Variants in NSMAF observed in about 807,000 individuals in gnomAD.
The protein encoded by NSMAF is neutral sphingomyelinase activation associated factor.
Under a neutral mutation model 134.9 loss-of-function variants are expected in NSMAF, and 90 were observed. That is an observed-to-expected ratio of 0.67 (90% confidence interval 0.56 to 0.79). NSMAF has a LOEUF of 0.79. Ranked by LOEUF, NSMAF falls within the 30% of genes least tolerant of loss-of-function variation. The pLI is 0.00. For synonymous variants in NSMAF, 358 were observed against 389.6 expected (o/e 0.92, Z 0.96); for missense variants, 1,010 against 1,119.0 (o/e 0.90, Z 1.39).
intron 1 of NSMAF, among the ~76,000 whole-genome samples, chr8:58,645,155 G>A (rs974975379): frequency 5.3e-5 from 8 of 151,630 alleles, no homozygotes; most frequent in African/African-American, 1.7e-4. Context: ...GGTACCAAGA[G>A]GACAGGGTTT....
At position 58,602,092 on chromosome 8, in the gene NSMAF, C is replaced by T; in HGVS notation, c.1091G>A (p.Gly364Glu). 6.2e-7 allele frequency: 1 copy of T among 1,613,566 alleles called. No individual in the cohort carries two copies. Among genetic ancestry groups the T allele is most frequent in the Non-Finnish European group, 8.5e-7 (1 of 1,179,644 alleles). ...GTFRDLSKPV[G>E]ALNKERLERL... is the part of the protein sequence containing the mutation. ...CTCCAGCCGTTCCTTATTTAGGGCC[C>T]CTACTGGCTTACTGAGATCCCGGAA... Residue 364 changes from glycine to glutamate, a missense_variant, in exon 14 of 31, where the codon GGG becomes GAG. Coordinates refer to ENST00000038176, the MANE Select transcript of NSMAF (RefSeq NM_003580.4).
In NSMAF at chr8:58,625,802, G is replaced by T. The variant is rs185485447; in HGVS notation, c.385-2022C>A. On this transcript the variant is annotated intron_variant, in intron 6 of 30. Coordinates refer to ENST00000038176, the MANE Select transcript of NSMAF (RefSeq NM_003580.4). Reference sequence around the variant, plus strand: ...AATTATTGATAGGGAAGGACTTACTGTTGCCATTTTAACTGTTTTCTGTCT... The same window carrying T: ...AATTATTGATAGGGAAGGACTTACTTTTGCCATTTTAACTGTTTTCTGTCT... Among the ~76,000 whole-genome samples, 562 of 152,232 alleles carry T rather than the reference G, an allele frequency of 3.7e-3. 2 individuals are homozygous for T. The highest frequency in any genetic ancestry group is 0.014 in the Middle Eastern group (4 of 294).
At chr8:58,585,448 A>G (rs1370563364) in intron 30 of NSMAF, among the ~76,000 whole-genome samples, 2 of 152,044 alleles carry the variant, frequency 1.3e-5, no homozygotes, top group Admixed American at 6.6e-5. Flanking sequence ...TTGGAGTCCA[A>G]TGGCTGTTAA....
chr8:58,597,356 T>G, intron 21 of NSMAF, 31 bp downstream of exon 21: 1 of 1,583,948 alleles, frequency 6.3e-7, no homozygotes, highest in South Asian at 1.1e-5. Flanking sequence ...AAACAAAAGG[T>G]GCTCACGTTT....
intron 23 of NSMAF, among the ~76,000 whole-genome samples, chr8:58,593,380 A>G (rs565556515): frequency 6.6e-6 from 1 of 152,356 alleles, no homozygotes; most frequent in East Asian, 1.9e-4. Flanking sequence ...ACAGAATCTG[A>G]GAGTAGTAAT....
chr8:58,647,407 C>T (rs1480060669), intron 1 of NSMAF, among the ~76,000 whole-genome samples: 2 of 152,168 alleles, frequency 1.3e-5, no homozygotes, highest in East Asian at 3.9e-4. Flanking sequence ...TCCTACTACC[C>T]ACCATTGGAA....
intron 1 of NSMAF, among the ~76,000 whole-genome samples, chr8:58,649,641 A>G (rs1807538238): frequency 6.6e-6 from 1 of 152,164 alleles, no homozygotes; most frequent in Non-Finnish European, 1.5e-5. Flanking sequence ...CTTGGTAATA[A>G]GTGAGTTCAT....
chr8:58,646,365 C>A (rs1004094463), intron 1 of NSMAF, among the ~76,000 whole-genome samples: 1 of 152,156 alleles, frequency 6.6e-6, no homozygotes, highest in South Asian at 2.1e-4. Context: ...TTCAATAAGA[C>A]AATGGCATAA....
At position 58,589,537 on chromosome 8, in the gene NSMAF, G is replaced by A. The variant is rs142542935; in HGVS notation, c.2126C>T (p.Thr709Met). ...YSIAFGRRQD[T>M]LMGHDDAVSK... ...AACAGCATCATCATGTCCCATTAAC[G>A]TGTCCTGGCGTCTTCCAAATGCTAT... The change falls in exon 26 of 31, where the codon ACG (threonine) becomes ATG (methionine). Residue 709 changes from threonine (T) to methionine (M), a missense_variant. Transcript: ENST00000038176. 131 of 1,571,172 alleles carry A rather than the reference G, an allele frequency of 8.3e-5. No homozygotes were observed. In the East Asian group the frequency reaches 2.1e-3, roughly 25 times the overall value.
intron 9 of NSMAF, among the ~76,000 whole-genome samples, chr8:58,611,712 A>T (rs1806533280): frequency 6.6e-6 from 1 of 152,208 alleles, no homozygotes; most frequent in African/African-American, 2.4e-5. Context: ...CAGGTCAATA[A>T]AAAGTGTCCT....
In NSMAF at chr8:58,623,755, A is replaced by C; in HGVS notation, c.410T>G (p.Leu137Trp). ...ATCTTCCACTTTCCCGGGAACATCC[A>C]ATTCAAAAACATATTCCATTTTGCC... ...ERGKMEYVFE[L>W]DVPGKVEDVV... The change falls in exon 7 of 31, where the codon TTG becomes TGG. Residue 137 changes from leucine to tryptophan, a missense_variant. Coordinates refer to ENST00000038176, the MANE Select transcript of NSMAF (RefSeq NM_003580.4). 2 of 1,614,118 alleles carry C rather than the reference A, an allele frequency of 1.2e-6. No homozygotes were observed. The highest frequency in any genetic ancestry group is 1.7e-6 in the Non-Finnish European group (2 of 1,179,978).
intron 2 of NSMAF, among the ~76,000 whole-genome samples, chr8:58,639,757 T>A: frequency 6.6e-6 from 1 of 152,178 alleles, no homozygotes; most frequent in Admixed American, 6.5e-5. Context: ...TATATGAATA[T>A]AAAACATATA....
In NSMAF at chr8:58,599,218, T is replaced by C. The variant is rs376520765; in HGVS notation, c.1585+14A>G. The C allele has an allele frequency of 1.8e-4, 283 of 1,593,038 alleles. No individual in the cohort carries two copies. The highest frequency in any genetic ancestry group is 2.3e-4 in the Non-Finnish European group (266 of 1,170,318). On this transcript the variant is annotated intron_variant, in intron 19 of 30. Coordinates refer to ENST00000038176, the MANE Select transcript of NSMAF (RefSeq NM_003580.4). ...CACCCAATGCTAAATAAAATTTCAATGAATATTACATACCATTATGGGCCC... is the reference window on the plus strand; with the variant it reads ...CACCCAATGCTAAATAAAATTTCAACGAATATTACATACCATTATGGGCCC...
Position 58,614,106 on chromosome 8 carries a change from T to C in NSMAF, c.558-4373A>G, listed in dbSNP as rs141403706. On this transcript the variant is annotated intron_variant, in intron 9 of 30. Transcript: ENST00000038176. ...CCCTATGATGTCCTCACAATGACCATTGCCTAACAACACGTTTCTCACAAC... is the reference window on the plus strand; with the variant it reads ...CCCTATGATGTCCTCACAATGACCACTGCCTAACAACACGTTTCTCACAAC... Among the ~76,000 whole-genome samples, 779 of 152,284 alleles carry C rather than the reference T, an allele frequency of 5.1e-3. 10 individuals carry two copies. Among genetic ancestry groups the C allele is most frequent in the African/African-American group, 0.018 (733 of 41,542 alleles).
Position 58,597,568 on chromosome 8 carries a change from A to T in NSMAF, c.1629-18T>A. 1 of 1,612,764 alleles carries T rather than the reference A, an allele frequency of 6.2e-7. No homozygotes were observed. On this transcript the variant is annotated intron_variant, in intron 20 of 30. Transcript: ENST00000038176. Reference sequence around the variant, plus strand: ...CCTGGATGCTTTGGGACAGAACACAAATAATGCAGTGAACCACTAGGTTCG... The same window carrying T: ...CCTGGATGCTTTGGGACAGAACACATATAATGCAGTGAACCACTAGGTTCG...
At chr8:58,648,117 C>G (rs1807503240) in intron 1 of NSMAF, among the ~76,000 whole-genome samples, 1 of 152,204 alleles carries the variant, frequency 6.6e-6, no homozygotes, top group Admixed American at 6.5e-5. Flanking sequence ...GGAACTGAAA[C>G]AAAGGTCGCC....
intron 1 of NSMAF, among the ~76,000 whole-genome samples, chr8:58,643,408 T>C (rs1807377627): frequency 6.6e-6 from 1 of 152,194 alleles, no homozygotes; most frequent in Admixed American, 6.5e-5. Context: ...TTTTGAGCAT[T>C]TGTTTCCCCT....
In NSMAF at chr8:58,586,564, G is replaced by C; in HGVS notation, c.2340C>G (p.Ser780=). The C allele has an allele frequency of 1.2e-6, 2 of 1,613,820 alleles. No individual in the cohort carries two copies. The highest frequency in any genetic ancestry group is 1.7e-6 in the Non-Finnish European group (2 of 1,179,872). Residue 780 remains serine (S), a synonymous_variant, in exon 28 of 31, where the codon TCC becomes TCG. Transcript: ENST00000038176. ...SLNAASTLLV[S]GTKEGTVNIW... ...TATTCACTGTGCCTTCTTTGGTGCC[G>C]GAAACTAACAGTGTGCTTGCAGCAT...
intron 1 of NSMAF, 147 bp downstream of exon 1, chr8:58,659,426 C>G: frequency 6.6e-7 from 1 of 1,506,400 alleles, no homozygotes; most frequent in Non-Finnish European, 8.8e-7. Flanking sequence ...CGCCACAGCC[C>G]CCAGCCCAGG....
Sources: gnomAD v4.1 joint callset for allele counts (sites outside exome capture counted in the v4.1 genomes callset) on GRCh38, gnomAD v4.1.1 for gene constraint, MANE v1.5 for transcripts, NCBI Gene and HGNC (gene_info 2026-07-23, HGNC 2026-07-21) for gene names.